Variants in CFHR5 observed in about 807,000 individuals in gnomAD.
CFHR5 encodes the protein complement factor H-related protein 5.
CFHR5 carries 73 observed loss-of-function variants against 62.9 expected under a neutral mutation model. The observed-to-expected ratio is 1.16, with a 90% confidence interval of 0.96 to 1.41. The LOEUF (loss-of-function observed/expected upper bound fraction) is 1.41. Ranked by LOEUF, CFHR5 falls within the 40% of genes most tolerant of loss-of-function variation. The pLI is 0.00. For synonymous variants in CFHR5, 249 were observed against 227.2 expected (o/e 1.10, Z -0.86); for missense variants, 779 against 679.9 (o/e 1.15, Z -1.62).
upstream of CFHR5, among the ~76,000 whole-genome samples, chr1:196,975,113 AG>A (rs1653364919): frequency 6.6e-6 from 1 of 152,206 alleles, no homozygotes; most frequent in African/African-American, 2.4e-5. Context: ...CATGTGAAGC[AG>A]GTATTTCCAA....
chr1:196,983,839 T>G (rs1280119259), intron 2 of CFHR5, 122 bp from the exon 3 acceptor site: 3 of 653,698 alleles, frequency 4.6e-6, no homozygotes, highest in African/African-American at 3.7e-5. Flanking sequence ...ATGACCCAAA[T>G]TCTTTTGAAA....
At chr1:196,982,208 A>C (rs1653560248) in intron 1 of CFHR5, among the ~76,000 whole-genome samples, 1 of 152,210 alleles carries the variant, frequency 6.6e-6, no homozygotes, top group Non-Finnish European at 1.5e-5. Context: ...CTGAGAGCTG[A>C]GAACAATCCT....
intron 1 of CFHR5, among the ~76,000 whole-genome samples, chr1:196,981,257 A>G (rs1413738594): frequency 2.6e-5 from 4 of 152,150 alleles, no homozygotes; most frequent in African/African-American, 9.7e-5. Flanking sequence ...CACTATATTG[A>G]GGAAATATCT....
chr1:196,992,848 A>T (rs1032161031), intron 3 of CFHR5, among the ~76,000 whole-genome samples: 3 of 152,222 alleles, frequency 2.0e-5, no homozygotes, highest in African/African-American at 7.2e-5. Flanking sequence ...ACTGTGATCA[A>T]TACATTAAAG....
chr1:196,999,722 T>TATACATACACAC (rs1164729053), intron 7 of CFHR5, among the ~76,000 whole-genome samples: 3 of 116,198 alleles, frequency 2.6e-5, no homozygotes, highest in African/African-American at 1.0e-4. Context: ...TATATATATA[T>TATACATACACAC]ACACACACAC....
chr1:196,995,900 G>A lies in CFHR5; in HGVS notation c.790+1G>A. The A allele has an allele frequency of 1.2e-6, 2 of 1,611,154 alleles. No homozygotes were observed. The highest frequency in any genetic ancestry group is 1.7e-6 in the Non-Finnish European group (2 of 1,177,572). ...TGGACAACTTTACCCACTTGTGTTG[G>A]TAAATAAATATTAACATTTAAACAG... On this transcript the variant is annotated splice_donor_variant, in intron 5 of 9. Transcript: ENST00000256785. LOFTEE classifies it high-confidence loss of function.
chr1:196,997,864 C>T (rs1284796583), intron 6 of CFHR5, among the ~76,000 whole-genome samples: 1 of 152,148 alleles, frequency 6.6e-6, no homozygotes, highest in African/African-American at 2.4e-5. Flanking sequence ...AACTATCTTT[C>T]AGTCAAAACT....
At chr1:196,983,133 T>A in intron 2 of CFHR5, 54 bp downstream of exon 2, 1 of 1,609,494 alleles carries the variant, frequency 6.2e-7, no homozygotes. Context: ...TAGAGAAGGA[T>A]GTGCCGGACA....
intron 7 of CFHR5, among the ~76,000 whole-genome samples, chr1:196,999,598 G>A (rs554573505): frequency 4.0e-5 from 6 of 148,720 alleles, no homozygotes; most frequent in East Asian, 2.0e-4. Flanking sequence ...ACAAGGATAC[G>A]TAGTAAAACC....
At chr1:196,999,732 C>T (rs12750576) in intron 7 of CFHR5, among the ~76,000 whole-genome samples, 1,009 of 72,814 alleles carry the variant, frequency 0.014, 11 homozygotes, top group East Asian at 0.043. Flanking sequence ...TACACACACA[C>T]ACATATATAT....
intron 1 of CFHR5, among the ~76,000 whole-genome samples, chr1:196,979,602 C>A (rs1375251139): frequency 6.6e-6 from 1 of 152,052 alleles, no homozygotes; most frequent in African/African-American, 2.4e-5. Context: ...ATAGGGTTTG[C>A]AGGACTGAAA....
At chr1:196,978,711 T>A (rs184600327) in intron 1 of CFHR5, among the ~76,000 whole-genome samples, 20 of 152,256 alleles carry the variant, frequency 1.3e-4, no homozygotes, top group Admixed American at 1.2e-3. Flanking sequence ...TGAGCTATAA[T>A]CACAAGAGTG....
intron 1 of CFHR5, among the ~76,000 whole-genome samples, chr1:196,979,590 C>T (rs1331642548): frequency 1.3e-5 from 2 of 152,032 alleles, no homozygotes; most frequent in East Asian, 1.9e-4. Flanking sequence ...CTCTTACCGT[C>T]AATAGGGTTT....
At chr1:196,980,075 C>T (rs182040173) in intron 1 of CFHR5, among the ~76,000 whole-genome samples, 1 of 152,046 alleles carries the variant, frequency 6.6e-6, no homozygotes, top group East Asian at 1.9e-4. Flanking sequence ...ACACATTAAC[C>T]TCGGCCTACG....
At chr1:196,993,560 G>C (rs950132882) in intron 3 of CFHR5, among the ~76,000 whole-genome samples, 3 of 152,142 alleles carry the variant, frequency 2.0e-5, no homozygotes, top group East Asian at 1.9e-4. Context: ...GCCTCCCAAA[G>C]TGCTGGGATT....
chr1:196,986,769 T>C (rs560480743), intron 3 of CFHR5, among the ~76,000 whole-genome samples: 1 of 152,330 alleles, frequency 6.6e-6, no homozygotes, highest in Admixed American at 6.5e-5. Context: ...AGTCTATCAC[T>C]TACGGACATT....
intron 6 of CFHR5, among the ~76,000 whole-genome samples, chr1:196,997,298 G>A (rs538305870): frequency 6.6e-6 from 1 of 152,272 alleles, no homozygotes; most frequent in African/African-American, 2.4e-5. Context: ...GTTATGGGAA[G>A]ATGTAGATCA....
chr1:196,984,204 T>G, intron 3 of CFHR5, 67 bp downstream of exon 3: 2 of 1,313,836 alleles, frequency 1.5e-6, no homozygotes, highest in South Asian at 2.5e-5. Flanking sequence ...GTTTATAGAT[T>G]AAATATAGGT....
At chr1:196,984,551 G>A (rs1653631973) in intron 3 of CFHR5, among the ~76,000 whole-genome samples, 1 of 152,174 alleles carries the variant, frequency 6.6e-6, no homozygotes, top group Non-Finnish European at 1.5e-5. Context: ...CATTTTCTAA[G>A]TTGTAAAAAG....
Sources: gnomAD v4.1 joint callset for allele counts (sites outside exome capture counted in the v4.1 genomes callset) on GRCh38, gnomAD v4.1.1 for gene constraint, MANE v1.5 for transcripts, NCBI Gene and HGNC (gene_info 2026-07-23, HGNC 2026-07-21) for gene names.